The following PDE3B variants were observed in gnomAD, a reference collection of about 807,000 sequenced individuals.
The protein encoded by PDE3B is cGMP-inhibited 3',5'-cyclic phosphodiesterase 3B.
A neutral mutation model predicts 116.8 loss-of-function variants in PDE3B; 66 were observed. The ratio of observed to expected loss-of-function variants is 0.56; its 90% CI spans 0.46 to 0.69. The LOEUF (loss-of-function observed/expected upper bound fraction) is 0.69, where lower values mean the gene tolerates loss of function less well. Among genes scored for constraint, PDE3B ranks in the 30% least tolerant of loss-of-function variants. The pLI, the probability that PDE3B is intolerant of heterozygous loss-of-function variation, is 0.00. For missense variants in PDE3B, 1,384 were observed against 1,368.1 expected (o/e 1.01, Z -0.18); for synonymous variants, 595 against 533.6 (o/e 1.12, Z -1.59).
chr11:14,844,079 T>A, intron 12 of PDE3B, 53 bp downstream of exon 12: 1 of 1,297,208 alleles, frequency 7.7e-7, no homozygotes. Context: ...TTTTCAGTCA[T>A]GCTGTGTATC....
chr11:14,848,038 AAG>A (rs1847651225), intron 12 of PDE3B, among the ~76,000 whole-genome samples: 1 of 151,582 alleles, frequency 6.6e-6, no homozygotes, highest in South Asian at 2.1e-4. Flanking sequence ...ACAACCAAAA[AAG>A]AGAATTTTAG....
intron 1 of PDE3B, among the ~76,000 whole-genome samples, chr11:14,646,155 G>T (rs986833403): frequency 6.6e-6 from 1 of 152,150 alleles, no homozygotes; most frequent in Admixed American, 6.5e-5. Flanking sequence ...TGAATTTTTG[G>T]ATTAGTGATA....
At chr11:14,661,442 C>T (rs546365690) in intron 1 of PDE3B, among the ~76,000 whole-genome samples, 18 of 152,294 alleles carry the variant, frequency 1.2e-4, no homozygotes, top group African/African-American at 3.4e-4. Context: ...CTAGGGAGTG[C>T]CAGACAGTGG....
chr11:14,830,863 C>T lies in PDE3B; in HGVS notation c.1956+17C>T. ...CAAACAAATGTAAAAGATAAACTTT[C>T]AATATGATTATGTTAAGGTGAAATA... On this transcript the variant is annotated intron_variant, in intron 8 of 15. Coordinates refer to ENST00000282096, the MANE Select transcript of PDE3B (RefSeq NM_000922.4). 1 of 1,467,528 alleles carries T rather than the reference C, an allele frequency of 6.8e-7. No individual in the cohort carries two copies. Among genetic ancestry groups the T allele is most frequent in the African/African-American group, 1.5e-5 (1 of 68,280 alleles). The allele number at this position is 1,467,528 out of a possible 1,614,324, so 90.9% of individuals were successfully genotyped here. A position where few individuals can be genotyped will look rare whatever the true frequency, so the allele number is the denominator to read the frequency against.
intron 1 of PDE3B, among the ~76,000 whole-genome samples, chr11:14,737,198 C>CTTTTTTTTTTTTTTTTTTT (rs71044022): frequency 6.8e-6 from 1 of 146,552 alleles, no homozygotes; most frequent in Admixed American, 6.8e-5. Context: ...AGGCTGCCTT[C>CTTTTTTTTTTTTTTTTTTT]TTTTTTTTTT....
chr11:14,745,392 G>A (rs1232617613), intron 1 of PDE3B, among the ~76,000 whole-genome samples: 1 of 151,724 alleles, frequency 6.6e-6, no homozygotes, highest in Non-Finnish European at 1.5e-5. Context: ...TATTGATTAA[G>A]TTATTATACA....
chr11:14,748,092 T>C (rs924313971), intron 1 of PDE3B, among the ~76,000 whole-genome samples: 1 of 152,244 alleles, frequency 6.6e-6, no homozygotes, highest in Non-Finnish European at 1.5e-5. Context: ...AATTCTTTAA[T>C]GTAACCTAGT....
At chr11:14,700,961 A>T (rs1456280714) in intron 1 of PDE3B, 1 of 151,660 alleles carries the variant, frequency 6.6e-6, no homozygotes, top group Non-Finnish European at 1.5e-5. Flanking sequence ...TTCTTTAGGT[A>T]CCTTGCTAGG....
chr11:14,846,860 A>G (rs1847615784), intron 12 of PDE3B, among the ~76,000 whole-genome samples: 1 of 152,198 alleles, frequency 6.6e-6, no homozygotes, highest in Non-Finnish European at 1.5e-5. Flanking sequence ...GTAACCTACA[A>G]AGAGACTTAG....
intron 1 of PDE3B, among the ~76,000 whole-genome samples, chr11:14,711,589 G>T (rs752380633): frequency 6.6e-5 from 10 of 152,176 alleles, no homozygotes; most frequent in Non-Finnish European, 1.0e-4. Context: ...GGTGCGGGAG[G>T]TGCCGGACTT....
chr11:14,832,216 G>C (rs1319886965), intron 9 of PDE3B, among the ~76,000 whole-genome samples: 1 of 152,082 alleles, frequency 6.6e-6, no homozygotes, highest in Non-Finnish European at 1.5e-5. Flanking sequence ...GGTTATACCT[G>C]ATGGGTCCGC....
At chr11:14,749,898 C>CCA in intron 1 of PDE3B, among the ~76,000 whole-genome samples, 1 of 35,290 alleles carries the variant, frequency 2.8e-5, no homozygotes, top group Non-Finnish European at 5.4e-5. Context: ...TAAATATATC[C>CCA]CATATATATA....
chr11:14,665,252 T>C (rs1414018183), intron 1 of PDE3B, among the ~76,000 whole-genome samples: 1 of 152,200 alleles, frequency 6.6e-6, no homozygotes, highest in Admixed American at 6.5e-5. Context: ...AAATTAAGTA[T>C]TGATGGGACA....
intron 1 of PDE3B, among the ~76,000 whole-genome samples, chr11:14,764,457 A>G (rs1857442181): frequency 6.6e-6 from 1 of 152,142 alleles, no homozygotes; most frequent in African/African-American, 2.4e-5. Flanking sequence ...TTCTCCATAT[A>G]TAAAATGAGG....
intron 1 of PDE3B, among the ~76,000 whole-genome samples, chr11:14,747,744 A>G (rs1856952916): frequency 6.6e-6 from 1 of 152,174 alleles, no homozygotes; most frequent in African/African-American, 2.4e-5. Context: ...ATTCATTTAA[A>G]ATATTTCTTA....
intron 2 of PDE3B, chr11:14,776,255 C>T (rs1857781435): frequency 6.6e-6 from 1 of 152,218 alleles, no homozygotes; most frequent in South Asian, 2.1e-4. Flanking sequence ...GATTTGGAAC[C>T]ACTGGCAATC....
chr11:14,711,915 A>G (rs902340304), intron 1 of PDE3B, among the ~76,000 whole-genome samples: 13 of 152,206 alleles, frequency 8.5e-5, no homozygotes, highest in African/African-American at 3.1e-4. Context: ...CATGTCAGGG[A>G]AGGAAAGAAT....
chr11:14,861,413 G>C (rs782272098), intron 14 of PDE3B, 47 bp downstream of exon 14: 4 of 1,546,528 alleles, frequency 2.6e-6, no homozygotes, highest in Non-Finnish European at 3.6e-6. Context: ...GCTGTCATGA[G>C]AAGACACTAC....
At chr11:14,654,150 CTG>C (rs1288486517) in intron 1 of PDE3B, among the ~76,000 whole-genome samples, 1 of 152,064 alleles carries the variant, frequency 6.6e-6, no homozygotes, top group East Asian at 1.9e-4. Flanking sequence ...AAAAAAATGT[CTG>C]TAAAATAGCA....
Sources: gnomAD v4.1 joint callset for allele counts (sites outside exome capture counted in the v4.1 genomes callset) on GRCh38, gnomAD v4.1.1 for gene constraint, MANE v1.5 for transcripts, NCBI Gene and HGNC (gene_info 2026-07-23, HGNC 2026-07-21) for gene names.